MTBP: variants seen among roughly 807,000 people sequenced by gnomAD.
MTBP encodes mdm2-binding protein.
Under a neutral mutation model 117.0 loss-of-function variants are expected in MTBP, and 101 were observed. That is an observed-to-expected ratio of 0.86 (90% CI 0.73 to 1.02). MTBP has a LOEUF of 1.02. Among genes scored for constraint, MTBP ranks in the 50% least tolerant of loss-of-function variants. The probability of loss-of-function intolerance (pLI) is 0.00; values close to 1 mark genes in which losing one functional copy is unlikely to be tolerated. For missense variants in MTBP, 970 were observed against 1,030.9 expected, an observed-to-expected ratio of 0.94 and a Z score of 0.81; for synonymous variants, 350 against 351.5, an observed-to-expected ratio of 1.00 and a Z score of 0.05.
chr8:120,446,802 C>CT (rs1290069415), intron 2 of MTBP, among the ~76,000 whole-genome samples: 1 of 152,082 alleles, frequency 6.6e-6, no homozygotes, highest in Non-Finnish European at 1.5e-5. Flanking sequence ...GGGAGTGTGG[C>CT]TTTATGAGGA....
intron 11 of MTBP, among the ~76,000 whole-genome samples, chr8:120,486,441 A>G (rs1373645780): frequency 6.6e-6 from 1 of 152,122 alleles, no homozygotes; most frequent in South Asian, 2.1e-4. Context: ...TGCCCTGTGA[A>G]TGCGCTGAGG....
At chr8:120,476,735 G>A (rs191712012) in intron 11 of MTBP, among the ~76,000 whole-genome samples, 1 of 152,128 alleles carries the variant, frequency 6.6e-6, no homozygotes, top group South Asian at 2.1e-4. Context: ...ACAAAGCACT[G>A]CTCAAGGAAA....
chr8:120,506,799 G>A lies in MTBP; in HGVS notation c.1821G>A (p.Leu607=), dbSNP rs565798344. The A allele has an allele frequency of 7.8e-5, 126 of 1,613,554 alleles. 1 individual carries two copies. In the South Asian group the frequency reaches 1.2e-3, roughly 16 times the overall value. ...CATTGTTGGATGCTAAAGAATTGCT[G>A]AAGTACTTTACCTCAGATGGATTAC... ...SITLLDAKEL[L]KYFTSDGLPI... The change falls in exon 16 of 22, where the codon CTG becomes CTA. Residue 607 remains leucine (L), a synonymous_variant. Transcript: ENST00000305949.
chr8:120,482,318 G>C (rs4073756), intron 11 of MTBP, among the ~76,000 whole-genome samples: 1 of 151,894 alleles, frequency 6.6e-6, no homozygotes, highest in Admixed American at 6.6e-5. Flanking sequence ...GAAAATGAGA[G>C]TACTACTACT....
At chr8:120,481,576 T>C (rs1814086137) in intron 11 of MTBP, among the ~76,000 whole-genome samples, 1 of 152,100 alleles carries the variant, frequency 6.6e-6, no homozygotes, top group Admixed American at 6.6e-5. Context: ...TGTCAGATCA[T>C]ATATATGAAA....
intron 10 of MTBP, among the ~76,000 whole-genome samples, chr8:120,467,720 T>A (rs1813728925): frequency 6.6e-6 from 1 of 151,236 alleles, no homozygotes; most frequent in South Asian, 2.1e-4. Flanking sequence ...TAATGATTAG[T>A]GTATGGGTGA....
chr8:120,463,590 GA>G lies in MTBP; in HGVS notation c.978-100del, dbSNP rs1813625264. 3 of 932,710 alleles carry G rather than the reference GA, an allele frequency of 3.2e-6. No homozygotes were observed. The East Asian group carries it at 7.4e-5, about 23-fold the overall frequency. The allele number at this position is 932,710 out of a possible 1,614,324, so 57.8% of individuals were successfully genotyped here. On this transcript the variant is annotated intron_variant, in intron 9 of 21. Transcript: ENST00000305949. ...GCTACAGTTAAATTTTTTAATAGAT[GA>G]ATTTAAGCAACTGTGGAAGAATTGA...
chr8:120,509,347 A>G lies in MTBP; in HGVS notation c.1884-587A>G, dbSNP rs188964123. Among the ~76,000 whole-genome samples the G allele has an allele frequency of 5.1e-3, 770 of 152,320 alleles. 10 individuals are homozygous for G. Among genetic ancestry groups the G allele is most frequent in the African/African-American group, 0.018 (729 of 41,562 alleles). ...CTGGACGCAGTGGCTCATGCCAGTA[A>G]TCCTAACACTTTGGGAGGCTGAGGC... On this transcript the variant is annotated intron_variant, in intron 16 of 21. Transcript: ENST00000305949.
At chr8:120,521,616 C>A (rs917539808) in intron 20 of MTBP, among the ~76,000 whole-genome samples, 1 of 152,104 alleles carries the variant, frequency 6.6e-6, no homozygotes, top group Non-Finnish European at 1.5e-5. Context: ...AAAGTGGCTG[C>A]CTTTATGGAG....
intron 1 of MTBP, 109 bp downstream of exon 1, chr8:120,445,697 A>C (rs1265955153): frequency 1.2e-6 from 1 of 834,356 alleles, no homozygotes; most frequent in African/African-American, 1.7e-5. Flanking sequence ...TTGTCCCACG[A>C]AGCTGGGACT....
intron 10 of MTBP, among the ~76,000 whole-genome samples, chr8:120,469,967 A>G (rs1813785427): frequency 6.6e-6 from 1 of 152,222 alleles, no homozygotes; most frequent in South Asian, 2.1e-4. Context: ...TCAATATAGG[A>G]CAGTTAAAAG....
chr8:120,480,235 CAA>C (rs33996388), intron 11 of MTBP, among the ~76,000 whole-genome samples: 6 of 132,500 alleles, frequency 4.5e-5, no homozygotes, highest in Admixed American at 7.4e-5. Flanking sequence ...CCCGTCTCTA[CAA>C]AAAAAAAAAA....
intron 18 of MTBP, among the ~76,000 whole-genome samples, chr8:120,516,987 TTAAAAA>T (rs1373739409): frequency 2.0e-4 from 30 of 151,976 alleles, no homozygotes; most frequent in African/African-American, 6.0e-4. Context: ...CCTGATAAAA[TTAAAAA>T]GCAGCAGTTA....
chr8:120,522,712 C>T lies in MTBP; in HGVS notation c.2669C>T (p.Ala890Val), dbSNP rs1815025369. 6.2e-7 allele frequency: 1 copy of T among 1,602,040 alleles called. No individual in the cohort carries two copies. The highest frequency in any genetic ancestry group is 8.5e-7 in the Non-Finnish European group (1 of 1,172,968). Residue 890 changes from alanine to valine, a missense_variant, in exon 21 of 22, where the codon GCT becomes GTT. Coordinates refer to ENST00000305949, the MANE Select transcript of MTBP (RefSeq NM_022045.5). Reference sequence around the variant, plus strand: ...ATGAAGAAAACAGCAAACAACAATGCTGTACAGGTAAAGAAATTATTCCCA... The same window carrying T: ...ATGAAGAAAACAGCAAACAACAATGTTGTACAGGTAAAGAAATTATTCCCA... ...EEMKKTANNN[A>V]VQVIDWVLEK...
intron 11 of MTBP, among the ~76,000 whole-genome samples, chr8:120,479,625 T>C (rs574101766): frequency 2.1e-4 from 32 of 152,208 alleles, no homozygotes; most frequent in African/African-American, 7.7e-4. Context: ...TTTAAAAGGA[T>C]AGAAATAATA....
intron 7 of MTBP, among the ~76,000 whole-genome samples, chr8:120,458,578 A>G (rs1054862941): frequency 2.6e-5 from 4 of 152,098 alleles, no homozygotes; most frequent in African/African-American, 9.7e-5. Context: ...GGTGGCTCAC[A>G]CCTGTAATCC....
intron 2 of MTBP, among the ~76,000 whole-genome samples, 171 bp from the exon 3 acceptor site, chr8:120,450,832 A>G (rs2130507188): frequency 6.6e-6 from 1 of 152,302 alleles, no homozygotes; most frequent in East Asian, 1.9e-4. Flanking sequence ...CTCTTTAGGT[A>G]GATTGTTGTA....
intron 12 of MTBP, among the ~76,000 whole-genome samples, chr8:120,488,755 T>G (rs182025066): frequency 2.6e-5 from 4 of 152,262 alleles, no homozygotes; most frequent in African/African-American, 9.6e-5. Flanking sequence ...AAATTTGGCT[T>G]AAAAATAGGA....
chr8:120,498,449 C>T (rs1334352589), intron 14 of MTBP, among the ~76,000 whole-genome samples: 2 of 152,164 alleles, frequency 1.3e-5, no homozygotes, highest in Non-Finnish European at 1.5e-5. Flanking sequence ...AAGTGAGAGA[C>T]CATAGCTCCA....
Sources: allele counts gnomAD v4.1 joint callset (sites outside exome capture counted in the v4.1 genomes callset), GRCh38; gene constraint gnomAD v4.1.1; transcripts MANE v1.5; gene names NCBI Gene and HGNC (gene_info 2026-07-23, HGNC 2026-07-21).